SYNC: variants seen among roughly 807,000 people sequenced by gnomAD.
The protein encoded by SYNC is syncoilin.
Under a neutral mutation model 49.5 loss-of-function variants are expected in SYNC, and 38 were observed. That is an observed-to-expected ratio of 0.77 (90% CI 0.59 to 1.01). The LOEUF (loss-of-function observed/expected upper bound fraction) is 1.01, where lower values mean the gene tolerates loss of function less well. SYNC is among the 50% of genes least tolerant of loss of function. SYNC has a pLI of 0.00. For missense variants in SYNC, 579 were observed against 580.6 expected, an observed-to-expected ratio of 1.00 and a Z score of 0.03; for synonymous variants, 201 against 230.8, an observed-to-expected ratio of 0.87 and a Z score of 1.17.
intron 2 of SYNC, among the ~76,000 whole-genome samples, chr1:32,691,268 A>G (rs1359832777): frequency 6.6e-6 from 1 of 150,388 alleles, no homozygotes; most frequent in African/African-American, 2.4e-5. Context: ...GGCACTGTGC[A>G]CCTGTAGTCC....
In SYNC at chr1:32,695,280, A is replaced by G. The variant is rs1557876131; in HGVS notation, c.818T>C (p.Phe273Ser). The change falls in exon 2 of 5, where the codon TTC becomes TCC. Residue 273 changes from phenylalanine to serine, a missense_variant. Physicochemically the swap from Phe to Ser is radical, Grantham distance 155. Transcript: ENST00000409190. ...TGCCCTTGTAGTCAGCACTTCCCGGAAATCGGCAAACTGAGCCACGTCCTG... is the reference window on the plus strand; with the variant it reads ...TGCCCTTGTAGTCAGCACTTCCCGGGAATCGGCAAACTGAGCCACGTCCTG... ...RQQDVAQFAD[F>S]REVLTTRATQ... 3 of 1,551,430 alleles carry G rather than the reference A, an allele frequency of 1.9e-6. No individual in the cohort carries two copies. Among genetic ancestry groups the G allele is most frequent in the Non-Finnish European group, 2.6e-6 (3 of 1,147,046 alleles).
intron 2 of SYNC, among the ~76,000 whole-genome samples, chr1:32,693,240 GCCCCCCTAATTTTTGTCTTTT>G (rs1385394497): frequency 2.6e-5 from 4 of 151,812 alleles, no homozygotes; most frequent in Non-Finnish European, 5.9e-5. Context: ...GTGCCACCAT[GCCCCCCTAATTTTTGTCTTTT>G]TAGTAGAGAC....
chr1:32,681,968 T>C, intron 4 of SYNC, 108 bp from the exon 5 acceptor site: 2 of 1,005,276 alleles, frequency 2.0e-6, no homozygotes, highest in South Asian at 2.8e-5. Flanking sequence ...TGATCAGGGA[T>C]GACTTTCCCC....
At chr1:32,688,813 C>T (rs1650018327) in intron 2 of SYNC, among the ~76,000 whole-genome samples, 1 of 151,888 alleles carries the variant, frequency 6.6e-6, no homozygotes, top group Non-Finnish European at 1.5e-5. Flanking sequence ...GATCTCCTGA[C>T]CTCATGATCC....
At position 32,695,043 on chromosome 1, in the gene SYNC, T is replaced by G. The variant is rs3795424; in HGVS notation, c.1055A>C (p.Glu352Ala). Residue 352 changes from glutamate (E) to alanine (A), a missense_variant, in exon 2 of 5, where the codon GAG becomes GCG. Transcript: ENST00000409190. The part of the protein sequence containing the change: ...EYEPQFLRLL[E>A]RKEAGTKALQ... Reference sequence around the variant, plus strand: ...AGCTTTGGTCCCAGCTTCTTTCCTCTCTAGGAGCCGCAGGAACTGAGGCTC... The same window carrying G: ...AGCTTTGGTCCCAGCTTCTTTCCTCGCTAGGAGCCGCAGGAACTGAGGCTC... 64,039 of 1,613,672 alleles carry G rather than the reference T, an allele frequency of 0.04. 1,936 individuals are homozygous for G. The highest frequency in any genetic ancestry group is 0.13 in the Admixed American group (7,599 of 59,918).
Position 32,688,950 on chromosome 1 carries a change from T to C in SYNC, c.1234-4568A>G, listed in dbSNP as rs1650026402. Among the ~76,000 whole-genome samples, 3 of 151,040 alleles carry C rather than the reference T, an allele frequency of 2.0e-5. No individual in the cohort carries two copies. In the East Asian group the frequency reaches 5.9e-4, roughly 30 times the overall value. ...CGCAACACACACACACTTTTTTTTTTCTTTTCTGAGACGGAGTCTTGCTCT... is the reference window on the plus strand; with the variant it reads ...CGCAACACACACACACTTTTTTTTTCCTTTTCTGAGACGGAGTCTTGCTCT... On this transcript the variant is annotated intron_variant, in intron 2 of 4. Transcript: ENST00000409190.
rs1649378777 is a variant in SYNC, at chr1:32,680,687, A to T, written c.*1163T>A. 1.4e-6 allele frequency: 1 copy of T among 740,688 alleles called. No individual in the cohort carries two copies. Among genetic ancestry groups the T allele is most frequent in the Non-Finnish European group, 2.1e-6 (1 of 466,188 alleles). 45.9% of individuals were successfully genotyped at this position (740,688 alleles called of 1,614,324 possible). A position where few individuals can be genotyped will look rare whatever the true frequency, so the allele number is the denominator to read the frequency against. ...TGATGGGTTTTATTTAGTATAAAACATCCATCAAACACCAGTCTCTGGCTT... is the reference window on the plus strand; with the variant it reads ...TGATGGGTTTTATTTAGTATAAAACTTCCATCAAACACCAGTCTCTGGCTT... On this transcript the variant is annotated 3_prime_UTR_variant, in exon 5 of 5. Transcript: ENST00000409190.
chr1:32,690,889 C>T (rs912067683), intron 2 of SYNC, among the ~76,000 whole-genome samples: 1 of 151,872 alleles, frequency 6.6e-6, no homozygotes, highest in African/African-American at 2.4e-5. Context: ...GAGTTCAAGA[C>T]CATCCTGGGC....
chr1:32,697,743 A>C (rs1010260439), intron 1 of SYNC, among the ~76,000 whole-genome samples: 2 of 151,906 alleles, frequency 1.3e-5, no homozygotes, highest in Non-Finnish European at 1.5e-5. Flanking sequence ...AAAAAAAAAA[A>C]CAAAAAAAAC....
intron 2 of SYNC, among the ~76,000 whole-genome samples, chr1:32,687,316 G>A (rs1398809308): frequency 3.4e-5 from 5 of 147,130 alleles, no homozygotes; most frequent in African/African-American, 1.0e-4. Context: ...AGCTGAGATC[G>A]TGCCATTGCA....
chr1:32,702,649 C>T lies in SYNC; in HGVS notation c.12G>A (p.Pro4=), dbSNP rs952876007. Residue 4 remains proline, a synonymous_variant, in exon 1 of 5, where the codon CCG becomes CCA. Coordinates refer to ENST00000409190, the MANE Select transcript of SYNC (RefSeq NM_030786.3). The surrounding 1 kb of genome is among the most constrained non-coding windows in gnomAD (Gnocchi z 6.2). The part of the protein sequence containing the change: MAS[P]EPRRGGDGAA... ...CGCCGTCCCCGCCGCGCCGGGGCTCCGGGCTGGCCATGGCTGCGCGACCCC... is the reference window on the plus strand; with the variant it reads ...CGCCGTCCCCGCCGCGCCGGGGCTCTGGGCTGGCCATGGCTGCGCGACCCC... 35 of 1,207,938 alleles carry T rather than the reference C, an allele frequency of 2.9e-5. No homozygotes were observed. Among genetic ancestry groups the T allele is most frequent in the African/African-American group, 7.9e-5 (5 of 63,058 alleles). The allele number at this position is 1,207,938 out of a possible 1,614,324, so 74.8% of individuals were successfully genotyped here. A position where few individuals can be genotyped will look rare whatever the true frequency, so the allele number is the denominator to read the frequency against.
In SYNC at chr1:32,702,669, G is replaced by T; in HGVS notation, c.-9C>A. 8.4e-7 allele frequency: 1 copy of T among 1,185,450 alleles called. No individual in the cohort carries two copies. Among genetic ancestry groups the T allele is most frequent in the South Asian group, 4.2e-5 (1 of 23,952 alleles). The allele number at this position is 1,185,450 out of a possible 1,614,324, so 73.4% of individuals were successfully genotyped here. On this transcript the variant is annotated 5_prime_UTR_variant, in exon 1 of 5. Coordinates refer to ENST00000409190, the MANE Select transcript of SYNC (RefSeq NM_030786.3). This position sits in a 1 kb window ranked among gnomAD's most constrained non-coding sequence, Gnocchi z 6.2. Reference sequence around the variant, plus strand: ...GGCTCCGGGCTGGCCATGGCTGCGCGACCCCGGGCTGGCGGCCGCGTTATT... The same window carrying T: ...GGCTCCGGGCTGGCCATGGCTGCGCTACCCCGGGCTGGCGGCCGCGTTATT...
At chr1:32,683,340 G>A (rs1649579752) in intron 4 of SYNC, 2 of 150,966 alleles carry the variant, frequency 1.3e-5, no homozygotes, top group Admixed American at 1.3e-4. Context: ...CACAGCCTTT[G>A]AATATTATAT....
rs758948617 is a variant in SYNC at position 32,681,200 on chromosome 1, C to A, written c.*650G>T. 6.6e-6 allele frequency: 1 copy of A among 152,380 alleles called. No homozygotes were observed. The highest frequency in any genetic ancestry group is 1.5e-5 in the Non-Finnish European group (1 of 68,126). The allele number at this position is 152,380 out of a possible 1,614,324, so 9.4% of individuals were successfully genotyped here. ...CAGAACTACTTTCATGAGGTAAGATCTTTGGGAAAATCTGAATAGCGTTAA... is the reference window on the plus strand; with the variant it reads ...CAGAACTACTTTCATGAGGTAAGATATTTGGGAAAATCTGAATAGCGTTAA... On this transcript the variant is annotated 3_prime_UTR_variant, in exon 5 of 5. Transcript: ENST00000409190.
intron 2 of SYNC, chr1:32,686,230 T>C (rs1297209671): frequency 6.6e-6 from 1 of 152,254 alleles, no homozygotes; most frequent in Non-Finnish European, 1.5e-5. Context: ...GTTTCTTTTT[T>C]TAATAGAGCT....
intron 2 of SYNC, among the ~76,000 whole-genome samples, chr1:32,693,118 T>G (rs1438146705): frequency 1.3e-5 from 2 of 150,752 alleles, no homozygotes; most frequent in East Asian, 4.0e-4. Context: ...AGTCTCACTC[T>G]GTCACCCAGG....
chr1:32,696,154 G>GACGAATGGCTGCTGACAT, intron 1 of SYNC, 110 bp from the exon 2 acceptor site: 1 of 853,606 alleles, frequency 1.2e-6, no homozygotes, highest in Non-Finnish European at 1.8e-6. Context: ...GATGTCAGCA[G>GACGAATGGCTGCTGACAT]CCATTCGTCT....
At chr1:32,694,256 G>A (rs1027819101) in intron 2 of SYNC, among the ~76,000 whole-genome samples, 2 of 152,112 alleles carry the variant, frequency 1.3e-5, no homozygotes, top group African/African-American at 2.4e-5. Context: ...CTACTCAAGA[G>A]GCTGAGGTGG....
Position 32,696,740 on chromosome 1 carries a change from G to A in SYNC, c.54-696C>T, listed in dbSNP as rs533898300. ...TGGGATTATAGGCATGAGCCACTGC[G>A]CCCAGCCCAGTTCTAATAAAATTAT... On this transcript the variant is annotated intron_variant, in intron 1 of 4. Coordinates refer to ENST00000409190, the MANE Select transcript of SYNC (RefSeq NM_030786.3). Among the ~76,000 whole-genome samples, 10 of 150,410 alleles carry A rather than the reference G, an allele frequency of 6.6e-5. No homozygotes were observed. In the East Asian group the frequency reaches 1.2e-3, roughly 18 times the overall value.
Sources: allele counts gnomAD v4.1 joint callset (sites outside exome capture counted in the v4.1 genomes callset), GRCh38; gene constraint gnomAD v4.1.1; non-coding constraint Gnocchi (gnomAD v3.1); transcripts MANE v1.5; gene names NCBI Gene and HGNC (gene_info 2026-07-23, HGNC 2026-07-21).